Variants in PLCH1 observed in about 807,000 individuals in gnomAD.
The protein encoded by PLCH1 is phospholipase C eta 1.
In PLCH1, 60 loss-of-function variants were observed where a neutral mutation model predicts 126.7. The ratio of observed to expected loss-of-function variants is 0.47; its 90% CI spans 0.38 to 0.59. PLCH1 has a LOEUF of 0.59. Among genes scored for constraint, PLCH1 ranks in the 20% least tolerant of loss-of-function variants. PLCH1 has a pLI of 0.00. For missense variants in PLCH1, 1,723 were observed against 2,040.0 expected (o/e 0.84, Z 2.99); for synonymous variants, 719 against 734.9 (o/e 0.98, Z 0.35).
rs536257125 is a variant in PLCH1, at chr3:155,485,444, A to G, written c.2886T>C (p.Ser962=). The change falls in exon 22 of 23, where the codon TCT becomes TCC. Residue 962 remains serine (S), a synonymous_variant. Coordinates refer to ENST00000460012, the MANE Select transcript of PLCH1 (RefSeq NM_014996.4). The stretch of plus-strand genomic sequence containing the variant: ...CCAGAAGGTTTCTGTCAACAGGCAT[A>G]GAGACAGGGCGTGCTTGCAAACTGC... The part of the protein sequence containing the change: ...TTRSLQARPV[S]MPVDRNLLGA... The G allele has an allele frequency of 1.9e-6, 3 of 1,614,004 alleles. No homozygotes were observed. Among genetic ancestry groups the G allele is most frequent in the Admixed American group, 3.3e-5 (2 of 60,022 alleles).
At chr3:155,555,988 T>G (rs1438450502) in intron 8 of PLCH1, among the ~76,000 whole-genome samples, 1 of 152,248 alleles carries the variant, frequency 6.6e-6, no homozygotes, top group Non-Finnish European at 1.5e-5. Context: ...CCAGAACTTC[T>G]GAGGAAACTA....
intron 2 of PLCH1, among the ~76,000 whole-genome samples, chr3:155,641,582 T>G (rs746971986): frequency 1.3e-5 from 2 of 151,982 alleles, no homozygotes; most frequent in Non-Finnish European, 2.9e-5. Context: ...TATCTGAAAA[T>G]GAGTAGAATT....
At chr3:155,545,438 A>C (rs145460019) in intron 10 of PLCH1, among the ~76,000 whole-genome samples, 124,522 of 146,154 alleles carry the variant, frequency 0.85, 53,969 homozygotes, top group Middle Eastern at 0.95. Flanking sequence ...GATGGATTCA[A>C]AGCCGAATTC....
intron 13 of PLCH1, among the ~76,000 whole-genome samples, chr3:155,504,036 G>A (rs1242094262): frequency 4.6e-5 from 7 of 152,146 alleles, no homozygotes; most frequent in Non-Finnish European, 2.9e-5. Flanking sequence ...CTGTTGTGGC[G>A]GGCATATATG....
chr3:155,514,388 C>T (rs1157328305), intron 12 of PLCH1, among the ~76,000 whole-genome samples: 2 of 152,104 alleles, frequency 1.3e-5, no homozygotes, highest in Non-Finnish European at 2.9e-5. Context: ...GCAGGGAAGG[C>T]AGACATCTAA....
chr3:155,512,797 G>T (rs2108227525), intron 12 of PLCH1, among the ~76,000 whole-genome samples: 1 of 152,324 alleles, frequency 6.6e-6, no homozygotes, highest in African/African-American at 2.4e-5. Context: ...CCCTGAGATG[G>T]TTGAAGACAG....
At chr3:155,483,462 C>A in intron 22 of PLCH1, 1 of 796,540 alleles carries the variant, frequency 1.3e-6, no homozygotes. Flanking sequence ...ATACTATAAG[C>A]TTTCAAAGTT....
chr3:155,708,472 A>T (rs564171737), intron 1 of PLCH1, among the ~76,000 whole-genome samples: 1 of 152,324 alleles, frequency 6.6e-6, no homozygotes, highest in East Asian at 1.9e-4. Flanking sequence ...TGTGGCTTGC[A>T]AGATAACACC....
chr3:155,534,443 G>C (rs525486), intron 10 of PLCH1, among the ~76,000 whole-genome samples: 1 of 152,088 alleles, frequency 6.6e-6, no homozygotes, highest in South Asian at 2.1e-4. Context: ...ACCCCCATTG[G>C]ATCTTTGAAG....
In PLCH1 at chr3:155,704,124, A is replaced by G. The variant is rs912114994; in HGVS notation, c.79+22T>C. 2.8e-5 allele frequency: 31 copies of G among 1,100,550 alleles called. No homozygotes were observed. In the Admixed American group the frequency reaches 9.8e-4, roughly 35 times the overall value. 68.2% of individuals were successfully genotyped at this position (1,100,550 alleles called of 1,614,324 possible). A position where few individuals can be genotyped will look rare whatever the true frequency, so the allele number is the denominator to read the frequency against. On this transcript the variant is annotated intron_variant, in intron 2 of 22. Transcript: ENST00000460012. ...GAAACAAAATAAAAGATCCAACTAC[A>G]TAAATACAAGAGACAGCTTACCATG...
chr3:155,546,299 G>T (rs1725270675), intron 10 of PLCH1, among the ~76,000 whole-genome samples: 1 of 152,114 alleles, frequency 6.6e-6, no homozygotes, highest in Non-Finnish European at 1.5e-5. Context: ...TTGCTTCAAA[G>T]AGAATAAAAT....
intron 2 of PLCH1, among the ~76,000 whole-genome samples, chr3:155,600,900 A>C (rs1334074192): frequency 6.6e-6 from 1 of 152,208 alleles, no homozygotes; most frequent in Non-Finnish European, 1.5e-5. Context: ...TATATTCCTA[A>C]CTTTATTACA....
chr3:155,690,744 T>A (rs1745317442), intron 2 of PLCH1, among the ~76,000 whole-genome samples: 1 of 152,194 alleles, frequency 6.6e-6, no homozygotes, highest in Admixed American at 6.5e-5. Flanking sequence ...CCATCCTTTT[T>A]CCATGTGCTC....
chr3:155,677,904 A>G (rs1392416590), intron 2 of PLCH1, among the ~76,000 whole-genome samples: 1 of 152,200 alleles, frequency 6.6e-6, no homozygotes, highest in Admixed American at 6.5e-5. Context: ...TTTATACAAA[A>G]AGACAATGGT....
chr3:155,723,228 T>A (rs1748080316), intron 1 of PLCH1, among the ~76,000 whole-genome samples: 1 of 152,174 alleles, frequency 6.6e-6, no homozygotes, highest in Non-Finnish European at 1.5e-5. Flanking sequence ...CAGCCTTGAA[T>A]GATCTTTTGT....
At chr3:155,701,735 C>T (rs1449980906) in intron 2 of PLCH1, among the ~76,000 whole-genome samples, 1 of 152,200 alleles carries the variant, frequency 6.6e-6, no homozygotes, top group East Asian at 1.9e-4. Context: ...TCTACAAAGA[C>T]ATTACCACTA....
At chr3:155,577,368 C>T (rs189363555) in intron 6 of PLCH1, among the ~76,000 whole-genome samples, 1 of 151,936 alleles carries the variant, frequency 6.6e-6, no homozygotes, top group Non-Finnish European at 1.5e-5. Context: ...AAGTGTTTTA[C>T]TCATTTTTCC....
In PLCH1 at chr3:155,630,157, A is replaced by G. The variant is rs150816043; in HGVS notation, c.80-33779T>C. Among the ~76,000 whole-genome samples the G allele has an allele frequency of 4.0e-3, 609 of 152,352 alleles. 5 individuals are homozygous for G. Among genetic ancestry groups the G allele is most frequent in the African/African-American group, 0.014 (574 of 41,582 alleles). ...ACATTTTTGTTCACTGGACTAATGA[A>G]TTGGTGGTTCAACAAACAGATCTAA... On this transcript the variant is annotated intron_variant, in intron 2 of 22. Transcript: ENST00000460012.
At chr3:155,473,895 C>T (rs1227120350) in intron 21 of PLCH1, among the ~76,000 whole-genome samples, 4 of 151,770 alleles carry the variant, frequency 2.6e-5, no homozygotes, top group African/African-American at 9.7e-5. Context: ...GAAACTGGAT[C>T]CCTTCCTTAC....
Sources: allele counts gnomAD v4.1 joint callset (sites outside exome capture counted in the v4.1 genomes callset), GRCh38; gene constraint gnomAD v4.1.1; transcripts MANE v1.5; gene names NCBI Gene and HGNC (gene_info 2026-07-23, HGNC 2026-07-21).